Variants in TTI1 observed in about 807,000 individuals in gnomAD.
The protein encoded by TTI1 is TELO2 interacting protein 1, also known as TELO2-interacting protein 1 homolog.
TTI1 carries 52 observed loss-of-function variants against 85.4 expected under a neutral mutation model. That is an observed-to-expected ratio of 0.61 (90% CI 0.49 to 0.77). The LOEUF is 0.77. Ranked by LOEUF, TTI1 falls within the 30% of genes least tolerant of loss-of-function variation. TTI1 has a pLI of 0.00. For synonymous variants in TTI1, 512 were observed against 503.9 expected, an observed-to-expected ratio of 1.02 and a Z score of -0.22; for missense variants, 1,173 against 1,296.0, an observed-to-expected ratio of 0.91 and a Z score of 1.46.
intron 7 of TTI1, among the ~76,000 whole-genome samples, chr20:37,985,054 G>T (rs887921462): frequency 1.3e-5 from 2 of 152,170 alleles, no homozygotes; most frequent in Admixed American, 6.5e-5. Flanking sequence ...ACCAAGGAAG[G>T]AACAAGGAAG....
At chr20:38,028,588 G>C (rs1481666861) in intron 1 of TTI1, among the ~76,000 whole-genome samples, 1 of 152,146 alleles carries the variant, frequency 6.6e-6, no homozygotes, top group Non-Finnish European at 1.5e-5. Flanking sequence ...TCTCAACAAT[G>C]GATAGGATAA....
At chr20:38,018,612 C>T (rs1349203881) in intron 1 of TTI1, among the ~76,000 whole-genome samples, 1 of 151,882 alleles carries the variant, frequency 6.6e-6, no homozygotes. Context: ...TTGGCCAATA[C>T]AAAGAAAAGA....
chr20:38,029,662 C>T (rs1306184075), intron 1 of TTI1, among the ~76,000 whole-genome samples: 1 of 152,036 alleles, frequency 6.6e-6, no homozygotes, highest in African/African-American at 2.4e-5. Flanking sequence ...GTACTACAGA[C>T]CCTGCAGACA....
intron 7 of TTI1, among the ~76,000 whole-genome samples, chr20:37,991,534 G>T (rs1233865688): frequency 6.6e-6 from 1 of 152,214 alleles, no homozygotes; most frequent in Non-Finnish European, 1.5e-5. Context: ...AGGGAAGTCA[G>T]TCTGTAAATG....
At chr20:38,020,548 T>C (rs1264165191) in intron 1 of TTI1, among the ~76,000 whole-genome samples, 7 of 151,450 alleles carry the variant, frequency 4.6e-5, no homozygotes, top group Non-Finnish European at 1.0e-4. Flanking sequence ...GAAGACACTA[T>C]TACAGAGTGA....
chr20:38,014,578 C>G (rs948395738), intron 1 of TTI1, among the ~76,000 whole-genome samples: 10 of 152,090 alleles, frequency 6.6e-5, no homozygotes, highest in Admixed American at 5.2e-4. Flanking sequence ...GTGAGACTGA[C>G]AGCAACATAA....
At position 38,002,721 on chromosome 20, in the gene TTI1, C is replaced by T. The variant is rs1421541219; in HGVS notation, c.2559G>A (p.Glu853=). Residue 853 remains glutamate, a synonymous_variant, in exon 4 of 8, where the codon GAG becomes GAA. Coordinates refer to ENST00000373447, the MANE Select transcript of TTI1 (RefSeq NM_001303457.2). ...VDENDTRPDV[E]PPLPLQIQIA... is the part of the protein sequence containing the mutation. ...TTTGGATCTGCAATGGCAGTGGTGG[C>T]TCCACATCTGGACGGGTGTCATTCT... 1 of 1,614,230 alleles carries T rather than the reference C, an allele frequency of 6.2e-7. No homozygotes were observed. The highest frequency in any genetic ancestry group is 2.2e-5 in the East Asian group (1 of 44,884).
intron 1 of TTI1, among the ~76,000 whole-genome samples, chr20:38,030,077 ATT>A (rs1190094293): frequency 1.3e-5 from 2 of 152,224 alleles, no homozygotes; most frequent in African/African-American, 4.8e-5. Context: ...ACCCATATAA[ATT>A]TGACAACTTT....
chr20:38,020,609 C>T (rs2073757103), intron 1 of TTI1, among the ~76,000 whole-genome samples: 1 of 151,414 alleles, frequency 6.6e-6, no homozygotes, highest in African/African-American at 2.4e-5. Flanking sequence ...TCTGACAAAA[C>T]ACTCATATCT....
chr20:38,000,052 G>A (rs532165370), intron 4 of TTI1, among the ~76,000 whole-genome samples: 46 of 152,318 alleles, frequency 3.0e-4, no homozygotes, highest in Admixed American at 2.2e-3. Context: ...TGATGTGGCC[G>A]CGTGATGGCG....
At position 37,983,625 on chromosome 20, in the gene TTI1, A is replaced by T. The variant is rs767876343; in HGVS notation, c.3101T>A (p.Leu1034Ter). Residue 1034 changes from leucine to a stop codon, truncating the protein, a stop_gained, in exon 8 of 8, where the codon TTG becomes TAG. Transcript: ENST00000373447. LOFTEE classifies it high-confidence loss of function. ...QEAARSVFLH[L>*]MKVDPDSTWF... ...GGTGGAGTCTGGGTCCACCTTCATC[A>T]AGTGGAGGAAGACGCTGTGGAGAGA... The T allele has an allele frequency of 6.5e-7, 1 of 1,530,392 alleles. No individual in the cohort carries two copies. The highest frequency in any genetic ancestry group is 8.8e-7 in the Non-Finnish European group (1 of 1,137,492). 94.8% of individuals were successfully genotyped at this position (1,530,392 alleles called of 1,614,324 possible). A position where few individuals can be genotyped will look rare whatever the true frequency, so the allele number is the denominator to read the frequency against.
In TTI1 at chr20:37,989,262, TAACGCC is replaced by T. The variant is rs753077901; in HGVS notation, c.3087-5629_3087-5624del. ...GTTCAAAACCATTCATCTATCGATC[TAACGCC>T]AACATGCATACTCACACAGAGACCC... On this transcript the variant is annotated intron_variant, in intron 7 of 7. Transcript: ENST00000373447. Among the ~76,000 whole-genome samples, 56 of 152,228 alleles carry T rather than the reference TAACGCC, an allele frequency of 3.7e-4. 1 individual carries two copies. The highest frequency in any genetic ancestry group is 4.6e-4 in the Admixed American group (7 of 15,282).
chr20:38,011,510 T>G lies in TTI1; in HGVS notation c.2302+5A>C. ...CATCAGCATTAAAAAGGGCTCTCAA[T>G]GTACCTAATGCTGCCATCAGAGCAT... On this transcript the variant is annotated splice_donor_5th_base_variant and intron_variant, in intron 2 of 7. Transcript: ENST00000373447. The G allele has an allele frequency of 1.2e-6, 2 of 1,613,102 alleles. No homozygotes were observed. Among genetic ancestry groups the G allele is most frequent in the South Asian group, 2.2e-5 (2 of 91,006 alleles).
chr20:37,987,177 C>G (rs538399527), intron 7 of TTI1: 5 of 456,740 alleles, frequency 1.1e-5, no homozygotes, highest in African/African-American at 1.0e-4. Context: ...GAGTCCTTAG[C>G]GCCAGGCTTT....
At chr20:38,008,092 T>C (rs1392575209) in intron 2 of TTI1, among the ~76,000 whole-genome samples, 1 of 152,226 alleles carries the variant, frequency 6.6e-6, no homozygotes, top group Non-Finnish European at 1.5e-5. Flanking sequence ...GTGCTATTTT[T>C]CTCCTATTGG....
intron 7 of TTI1, among the ~76,000 whole-genome samples, chr20:37,993,513 G>C (rs1180849841): frequency 2.0e-5 from 3 of 152,170 alleles, no homozygotes; most frequent in Non-Finnish European, 4.4e-5. Flanking sequence ...AACTCTCATG[G>C]GGCTGCTAAG....
chr20:38,028,194 G>A (rs539473532), intron 1 of TTI1, among the ~76,000 whole-genome samples: 1 of 152,146 alleles, frequency 6.6e-6, no homozygotes, highest in Non-Finnish European at 1.5e-5. Flanking sequence ...ATTGTATTAA[G>A]CATAAAAGGT....
At chr20:37,984,965 T>C (rs1256345305) in intron 7 of TTI1, among the ~76,000 whole-genome samples, 1 of 152,226 alleles carries the variant, frequency 6.6e-6, no homozygotes, top group African/African-American at 2.4e-5. Context: ...ACATTGCACA[T>C]GAATGACTTT....
intron 7 of TTI1, chr20:37,987,454 T>A: frequency 2.4e-6 from 1 of 413,462 alleles, no homozygotes; most frequent in South Asian, 1.8e-5. Context: ...GAGAAACACT[T>A]TTTAAAAAAT....
Sources: gnomAD v4.1 joint callset for allele counts (sites outside exome capture counted in the v4.1 genomes callset) on GRCh38, gnomAD v4.1.1 for gene constraint, MANE v1.5 for transcripts, NCBI Gene and HGNC (gene_info 2026-07-23, HGNC 2026-07-21) for gene names.